The following PIK3C2G variants were observed in gnomAD, a reference collection of about 807,000 sequenced individuals.
PIK3C2G encodes the protein phosphatidylinositol-4-phosphate 3-kinase catalytic subunit type 2 gamma.
A neutral mutation model predicts 181.1 loss-of-function variants in PIK3C2G; 168 were observed. The observed-to-expected ratio is 0.93, with a 90% CI of 0.82 to 1.05. The LOEUF is 1.05. Ranked by LOEUF, PIK3C2G falls within the 50% of genes least tolerant of loss-of-function variation. The probability of loss-of-function intolerance (pLI) is 0.00; values close to 1 mark genes in which losing one functional copy is unlikely to be tolerated. For missense variants in PIK3C2G, 1,869 were observed against 1,732.8 expected (o/e 1.08, Z -1.40); for synonymous variants, 573 against 592.2 (o/e 0.97, Z 0.47).
At chr12:18,490,796 G>T (rs936918544) in intron 19 of PIK3C2G, among the ~76,000 whole-genome samples, 1 of 152,114 alleles carries the variant, frequency 6.6e-6, no homozygotes, top group African/African-American at 2.4e-5. Context: ...GTGATGAATT[G>T]TAATTATTTC....
chr12:18,308,635 A>C (rs891896682), intron 5 of PIK3C2G, among the ~76,000 whole-genome samples: 25 of 151,722 alleles, frequency 1.6e-4, no homozygotes, highest in Admixed American at 1.3e-4. Flanking sequence ...GTTCTAGAAG[A>C]GTAGTTATCA....
intron 18 of PIK3C2G, among the ~76,000 whole-genome samples, chr12:18,425,814 C>A (rs1288031619): frequency 6.6e-6 from 1 of 152,120 alleles, no homozygotes; most frequent in Non-Finnish European, 1.5e-5. Flanking sequence ...TACCATGTGA[C>A]TGAATGATTC....
chr12:18,508,346 A>G lies in PIK3C2G; in HGVS notation c.3323+2885A>G, dbSNP rs529727322. Among the ~76,000 whole-genome samples, 411 of 152,306 alleles carry G rather than the reference A, an allele frequency of 2.7e-3. 1 individual carries two copies. The highest frequency in any genetic ancestry group is 6.6e-3 in the Admixed American group (101 of 15,302). ...CACTATCTTTTGAATTGTAGGAAGC[A>G]TCTAATATTTCTCCTCCTAAGCTCT... On this transcript the variant is annotated intron_variant, in intron 24 of 32. Coordinates refer to ENST00000538779, the MANE Select transcript of PIK3C2G (RefSeq NM_001288772.2).
chr12:18,320,970 G>A lies in PIK3C2G; in HGVS notation c.1146G>A (p.Glu382=). 1.3e-6 allele frequency: 2 copies of A among 1,557,810 alleles called. No homozygotes were observed. The highest frequency in any genetic ancestry group is 4.5e-5 in the East Asian group (2 of 44,430). ...TATTCTGCTGTCTACAGCATGAAGAGGACCACAGTCAGTTTTATCTGAATC... is the reference window on the plus strand; with the variant it reads ...TATTCTGCTGTCTACAGCATGAAGAAGACCACAGTCAGTTTTATCTGAATC... ...APGKLSRKHE[E]DHSQFYLNQL... is the part of the protein sequence containing the mutation. Residue 382 remains glutamate, a synonymous_variant, in exon 7 of 33, where the codon GAG becomes GAA. Transcript: ENST00000538779.
At chr12:18,684,306 A>G in the PIK3C2G span, 15 of 1,574,006 alleles carry the variant, frequency 9.5e-6, no homozygotes, top group Admixed American at 3.4e-5. Context: ...GAAGATACAA[A>G]GAATAATAGA....
At chr12:18,549,158 A>G (rs1338396219) in intron 26 of PIK3C2G, among the ~76,000 whole-genome samples, 1 of 151,958 alleles carries the variant, frequency 6.6e-6, no homozygotes, top group Non-Finnish European at 1.5e-5. Flanking sequence ...TTTCTTCTAT[A>G]ATTCTCTCGA....
intron 31 of PIK3C2G, among the ~76,000 whole-genome samples, chr12:18,639,264 C>G (rs770571708): frequency 1.1e-4 from 17 of 151,880 alleles, no homozygotes; most frequent in Admixed American, 8.5e-4. Context: ...TAATATATAT[C>G]ATATTTTCTT....
At chr12:18,687,580 T>A in the PIK3C2G span, among the ~76,000 whole-genome samples, 9 of 152,094 alleles carry the variant, frequency 5.9e-5, no homozygotes, top group Non-Finnish European at 1.3e-4. Flanking sequence ...TTCCCTTAAT[T>A]CTTCACTTCC....
At chr12:18,493,119 C>G (rs1384455006) in intron 20 of PIK3C2G, 1 of 152,246 alleles carries the variant, frequency 6.6e-6, no homozygotes, top group Admixed American at 6.5e-5. Context: ...GAAAAGCTCT[C>G]TGTTTCAACA....
chr12:18,570,941 G>A (rs1369099249), intron 29 of PIK3C2G, among the ~76,000 whole-genome samples: 3 of 150,736 alleles, frequency 2.0e-5, no homozygotes, highest in Admixed American at 2.0e-4. Context: ...AAATGCCACG[G>A]CAAAGGAAAA....
chr12:18,578,133 T>C (rs182570396), intron 29 of PIK3C2G, among the ~76,000 whole-genome samples: 192 of 152,292 alleles, frequency 1.3e-3, no homozygotes, highest in African/African-American at 4.5e-3. Context: ...TGCATTTCAA[T>C]AATTCTAGTG....
At chr12:18,254,853 A>AAATAAT (rs974094112) in intron 1 of PIK3C2G, among the ~76,000 whole-genome samples, 5 of 151,638 alleles carry the variant, frequency 3.3e-5, no homozygotes, top group African/African-American at 4.8e-5. Context: ...CTCTGTCTCA[A>AAATAAT]AATAATAATA....
intron 29 of PIK3C2G, among the ~76,000 whole-genome samples, chr12:18,576,000 T>C (rs1233964091): frequency 6.6e-6 from 1 of 152,212 alleles, no homozygotes; most frequent in Non-Finnish European, 1.5e-5. Context: ...TCTAAACTTG[T>C]TTATTCTTAT....
the PIK3C2G span, among the ~76,000 whole-genome samples, chr12:18,662,219 C>T: frequency 6.6e-6 from 1 of 152,072 alleles, no homozygotes; most frequent in African/African-American, 2.4e-5. Context: ...GCACTATGCT[C>T]ATCACCTGGC....
intron 18 of PIK3C2G, among the ~76,000 whole-genome samples, chr12:18,447,823 C>T (rs1416587140): frequency 6.6e-6 from 1 of 152,100 alleles, no homozygotes; most frequent in Non-Finnish European, 1.5e-5. Flanking sequence ...CAACTGATAG[C>T]TATTGAGTAA....
chr12:18,677,188 A>G, the PIK3C2G span, among the ~76,000 whole-genome samples: 1 of 152,112 alleles, frequency 6.6e-6, no homozygotes, highest in African/African-American at 2.4e-5. Flanking sequence ...GATCCTGGTC[A>G]GGCTGCTTGC....
the PIK3C2G span, among the ~76,000 whole-genome samples, chr12:18,702,498 C>T: frequency 6.6e-6 from 1 of 152,194 alleles, no homozygotes; most frequent in South Asian, 2.1e-4. Flanking sequence ...AAGTAAAGTT[C>T]TTTTCTCCAG....
the PIK3C2G span, among the ~76,000 whole-genome samples, chr12:18,686,633 C>G: frequency 6.6e-6 from 1 of 152,058 alleles, no homozygotes; most frequent in African/African-American, 2.4e-5. Flanking sequence ...CTCCAAGAAC[C>G]ATCTCCAAAA....
At chr12:18,294,590 C>G (rs1256878649) in intron 5 of PIK3C2G, among the ~76,000 whole-genome samples, 2 of 151,860 alleles carry the variant, frequency 1.3e-5, no homozygotes, top group Admixed American at 1.3e-4. Context: ...CTCAGTATAT[C>G]AACTTCAAAT....
Sources: allele counts gnomAD v4.1 joint callset (sites outside exome capture counted in the v4.1 genomes callset), GRCh38; gene constraint gnomAD v4.1.1; transcripts MANE v1.5; gene names NCBI Gene and HGNC (gene_info 2026-07-23, HGNC 2026-07-21).